Variants in CEMIP observed in about 807,000 individuals in gnomAD.
The protein encoded by CEMIP is cell migration-inducing and hyaluronan-binding protein.
In CEMIP, 105 loss-of-function variants were observed where a neutral mutation model predicts 156.9. The ratio of observed to expected loss-of-function variants is 0.67; its 90% CI spans 0.57 to 0.79. The LOEUF (loss-of-function observed/expected upper bound fraction) is 0.79, where lower values mean the gene tolerates loss of function less well. Among genes scored for constraint, CEMIP ranks in the 30% least tolerant of loss-of-function variants. The pLI is 0.00. For missense variants in CEMIP, 1,457 were observed against 1,769.4 expected (o/e 0.82, Z 3.17); for synonymous variants, 676 against 668.4 (o/e 1.01, Z -0.17).
At chr15:80,938,829 C>T (rs948297235) in intron 25 of CEMIP, among the ~76,000 whole-genome samples, 1 of 152,136 alleles carries the variant, frequency 6.6e-6, no homozygotes, top group Admixed American at 6.5e-5. Flanking sequence ...CTTAAGAATG[C>T]CAACCCAGCT....
chr15:80,909,398 C>T (rs946805005), intron 14 of CEMIP, 92 bp downstream of exon 14: 2 of 1,300,518 alleles, frequency 1.5e-6, no homozygotes, highest in Non-Finnish European at 2.2e-6. Flanking sequence ...TAATCCAGGG[C>T]CTTTGGGGAT....
chr15:80,810,149 A>AT lies in CEMIP; in HGVS notation c.-176+30542dup, dbSNP rs983511654. Among the ~76,000 whole-genome samples the AT allele has an allele frequency of 7.2e-5, 11 of 152,216 alleles. No individual in the cohort carries two copies. In the East Asian group the frequency reaches 7.7e-4, roughly 11 times the overall value. ...TGCCTGCCACACAATTGATACATTG[A>AT]TTTTTTTCTTAACTAATAATATGGA... is the stretch of plus-strand genomic sequence containing the variant. On this transcript the variant is annotated intron_variant, in intron 1 of 29. Coordinates refer to ENST00000394685, the MANE Select transcript of CEMIP (RefSeq NM_001293298.2).
chr15:80,909,533 C>A (rs535250581), intron 14 of CEMIP: 9 of 621,746 alleles, frequency 1.4e-5, no homozygotes, highest in South Asian at 1.4e-4. Context: ...AGAGTGATTA[C>A]TTTGTGGTGG....
At chr15:80,811,763 C>A (rs565720782) in intron 1 of CEMIP, among the ~76,000 whole-genome samples, 1 of 152,268 alleles carries the variant, frequency 6.6e-6, no homozygotes, top group East Asian at 1.9e-4. Context: ...CACCATGTTG[C>A]CCAGGCTGGT....
In CEMIP at chr15:80,947,078, A is replaced by G; in HGVS notation, c.3958+13A>G. On this transcript the variant is annotated intron_variant, in intron 29 of 29. Coordinates refer to ENST00000394685, the MANE Select transcript of CEMIP (RefSeq NM_001293298.2). ...CTCAAGTTGAAAGGTAAGGGTTTGA[A>G]CTGGGGTTTAAACTGACCCCAAAAC... 6.3e-7 allele frequency: 1 copy of G among 1,580,094 alleles called. No individual in the cohort carries two copies. The highest frequency in any genetic ancestry group is 8.7e-7 in the Non-Finnish European group (1 of 1,149,366).
chr15:80,814,035 C>G (rs1360382100), intron 1 of CEMIP, among the ~76,000 whole-genome samples: 1 of 135,858 alleles, frequency 7.4e-6, no homozygotes, highest in Admixed American at 7.7e-5. Context: ...AAAGTCCAAA[C>G]TCTTTGGCTT....
intron 25 of CEMIP, among the ~76,000 whole-genome samples, chr15:80,938,428 A>G (rs910162374): frequency 2.6e-5 from 4 of 152,142 alleles, no homozygotes; most frequent in Non-Finnish European, 5.9e-5. Flanking sequence ...AACATGGTGA[A>G]ACCCCGTCTC....
At chr15:80,862,372 T>C (rs28405983) in intron 1 of CEMIP, among the ~76,000 whole-genome samples, 1 of 152,096 alleles carries the variant, frequency 6.6e-6, no homozygotes, top group African/African-American at 2.4e-5. Context: ...GAGGAATCCC[T>C]TCATGGAAGA....
At chr15:80,814,242 G>A (rs1230918080) in intron 1 of CEMIP, among the ~76,000 whole-genome samples, 6 of 151,714 alleles carry the variant, frequency 4.0e-5, no homozygotes, top group Non-Finnish European at 8.8e-5. Flanking sequence ...GTAGAGACGG[G>A]GTTTCACCAC....
At chr15:80,851,631 G>A (rs1298259222) in intron 1 of CEMIP, among the ~76,000 whole-genome samples, 1 of 152,146 alleles carries the variant, frequency 6.6e-6, no homozygotes, top group Non-Finnish European at 1.5e-5. Context: ...ATTGGTGCTG[G>A]AGAAGAGCCT....
intron 12 of CEMIP, among the ~76,000 whole-genome samples, chr15:80,905,241 G>A (rs771423020): frequency 6.6e-6 from 1 of 152,250 alleles, no homozygotes; most frequent in Non-Finnish European, 1.5e-5. Context: ...GCCAAGCCGT[G>A]TAGGTGGTGT....
intron 14 of CEMIP, among the ~76,000 whole-genome samples, chr15:80,917,755 T>C (rs1182551641): frequency 1.3e-5 from 2 of 152,244 alleles, no homozygotes; most frequent in African/African-American, 2.4e-5. Flanking sequence ...CTTTCTGCCT[T>C]GACCTTGTAC....
rs58759276 is a variant in CEMIP at position 80,781,848 on chromosome 15, T to C, written c.-176+2234T>C. Reference sequence around the variant, plus strand: ...AGCATAGAGAAATCGTTTTAAATGGTAGCAATTACAGGTATATTTTAAAGA... The same window carrying C: ...AGCATAGAGAAATCGTTTTAAATGGCAGCAATTACAGGTATATTTTAAAGA... On this transcript the variant is annotated intron_variant, in intron 1 of 29. Coordinates refer to ENST00000394685, the MANE Select transcript of CEMIP (RefSeq NM_001293298.2). 3.1e-3 allele frequency among the ~76,000 whole-genome samples: 465 copies of C among 152,334 alleles called. 1 individual carries two copies. Among genetic ancestry groups the C allele is most frequent in the Middle Eastern group, 0.014 (4 of 294 alleles).
chr15:80,946,039 T>C (rs1057240362), intron 28 of CEMIP, among the ~76,000 whole-genome samples: 1 of 152,194 alleles, frequency 6.6e-6, no homozygotes, highest in Non-Finnish European at 1.5e-5. Flanking sequence ...TTTGCTTCAA[T>C]CTCCCCATTT....
intron 10 of CEMIP, among the ~76,000 whole-genome samples, chr15:80,889,921 G>T (rs1898979102): frequency 6.6e-6 from 1 of 152,232 alleles, no homozygotes; most frequent in Admixed American, 6.5e-5. Context: ...TAGGGACCTT[G>T]AGTGCACAGG....
At chr15:80,847,328 C>T (rs1434157944) in intron 1 of CEMIP, among the ~76,000 whole-genome samples, 2 of 152,200 alleles carry the variant, frequency 1.3e-5, no homozygotes, top group African/African-American at 4.8e-5. Flanking sequence ...AAACTGCAGG[C>T]ATGAGCTGCT....
At chr15:80,915,193 T>C (rs1900224708) in intron 14 of CEMIP, among the ~76,000 whole-genome samples, 1 of 152,240 alleles carries the variant, frequency 6.6e-6, no homozygotes, top group Admixed American at 6.5e-5. Context: ...TCCTAAACCA[T>C]AATTTCTAAT....
At chr15:80,836,462 G>A (rs1897271974) in intron 1 of CEMIP, among the ~76,000 whole-genome samples, 1 of 152,240 alleles carries the variant, frequency 6.6e-6, no homozygotes, top group Admixed American at 6.5e-5. Flanking sequence ...CATGAACATG[G>A]CAGACATTTT....
chr15:80,920,671 C>T (rs977776305), intron 15 of CEMIP, among the ~76,000 whole-genome samples: 3 of 152,128 alleles, frequency 2.0e-5, no homozygotes, highest in Non-Finnish European at 4.4e-5. Flanking sequence ...GACAGAGGGA[C>T]GGGGTGAGAG....
Sources: allele counts gnomAD v4.1 joint callset (sites outside exome capture counted in the v4.1 genomes callset), GRCh38; gene constraint gnomAD v4.1.1; transcripts MANE v1.5; gene names NCBI Gene and HGNC (gene_info 2026-07-23, HGNC 2026-07-21).